CALN1: variants seen among roughly 807,000 people sequenced by gnomAD.
CALN1 encodes the protein calcium-binding protein 8.
CALN1 carries 17 observed loss-of-function variants against 30.6 expected under a neutral mutation model. That is an observed-to-expected ratio of 0.56 (90% confidence interval 0.38 to 0.83). The LOEUF is 0.83. Among genes scored for constraint, CALN1 ranks in the 40% least tolerant of loss-of-function variants. The pLI is 0.00. For missense variants in CALN1, 291 were observed against 354.9 expected (o/e 0.82, Z 1.45); for synonymous variants, 156 against 131.4 (o/e 1.19, Z -1.28).
chr7:71,861,120 CA>C (rs1285713100), intron 5 of CALN1, among the ~76,000 whole-genome samples: 6 of 152,134 alleles, frequency 3.9e-5, no homozygotes, highest in Non-Finnish European at 8.8e-5. Context: ...GCATGCTTAA[CA>C]CTGAACCCTG....
intron 5 of CALN1, among the ~76,000 whole-genome samples, chr7:71,877,509 T>C (rs1792317889): frequency 6.6e-6 from 1 of 152,182 alleles, no homozygotes; most frequent in Admixed American, 6.5e-5. Context: ...GTTTATATAA[T>C]AGCTTTTTTC....
intron 2 of CALN1, among the ~76,000 whole-genome samples, chr7:72,346,368 A>T (rs1280778756): frequency 2.0e-5 from 3 of 152,254 alleles, no homozygotes; most frequent in African/African-American, 7.2e-5. Context: ...ATTTTTAAAA[A>T]AATATTTATT....
chr7:72,455,319 ATATGTGTGTGTGTGTGTGTG>A, the CALN1 span, among the ~76,000 whole-genome samples: 2 of 132,378 alleles, frequency 1.5e-5, no homozygotes. Context: ...ATATATATAT[ATATGTGTGTGTGTGTGTGTG>A]TGTGTGTGTG....
chr7:72,191,435 G>A (rs970563195), intron 3 of CALN1, among the ~76,000 whole-genome samples: 2 of 150,470 alleles, frequency 1.3e-5, no homozygotes, highest in Non-Finnish European at 1.5e-5. Flanking sequence ...AACCCCGTCT[G>A]TAGTAAAAAT....
intron 6 of CALN1, among the ~76,000 whole-genome samples, chr7:71,799,732 T>G (rs10225933): frequency 0.16 from 23,920 of 152,142 alleles, 2,920 homozygotes; most frequent in African/African-American, 0.33. Context: ...GGCCTCAACC[T>G]CCCAAAGTGC....
chr7:71,846,070 A>T (rs1400053661), intron 5 of CALN1, among the ~76,000 whole-genome samples: 2 of 152,006 alleles, frequency 1.3e-5, no homozygotes, highest in Non-Finnish European at 2.9e-5. Context: ...ATAAAAGATT[A>T]ACACTCTCCT....
chr7:72,220,044 T>C (rs546619842), intron 3 of CALN1, among the ~76,000 whole-genome samples: 2 of 152,024 alleles, frequency 1.3e-5, no homozygotes, highest in East Asian at 3.9e-4. Context: ...ATTTTTTTTG[T>C]TTTATTATTA....
chr7:72,395,017 GTA>G (rs1315258732), intron 2 of CALN1, among the ~76,000 whole-genome samples: 1 of 152,102 alleles, frequency 6.6e-6, no homozygotes, highest in Non-Finnish European at 1.5e-5. Context: ...GCACATCTGC[GTA>G]TGTGTGTCAC....
intron 4 of CALN1, among the ~76,000 whole-genome samples, chr7:72,098,599 T>G (rs769925920): frequency 2.0e-5 from 3 of 152,006 alleles, no homozygotes; most frequent in Non-Finnish European, 2.9e-5. Flanking sequence ...TCCCAGCCAT[T>G]TGGGAGGCTG....
chr7:71,922,446 TATTTATTTATATTTAC>T, intron 5 of CALN1, among the ~76,000 whole-genome samples: 1 of 146,702 alleles, frequency 6.8e-6, no homozygotes, highest in South Asian at 2.1e-4. Flanking sequence ...TATATAATTA[TATTTATTTATATTTAC>T]ATATAAATAT....
chr7:72,394,826 A>G (rs911887163), intron 2 of CALN1, among the ~76,000 whole-genome samples: 4 of 151,462 alleles, frequency 2.6e-5, no homozygotes, highest in African/African-American at 9.7e-5. Context: ...TGCCCGTTTT[A>G]TTTTATTTTT....
At chr7:71,810,262 G>A (rs1053873079) in intron 6 of CALN1, 74 bp downstream of exon 6, 20 of 1,482,224 alleles carry the variant, frequency 1.3e-5, no homozygotes, top group Admixed American at 9.8e-5. Context: ...GTGTGTGAAC[G>A]CATTTTTCAT....
chr7:71,893,426 C>A (rs1793361943), intron 5 of CALN1, among the ~76,000 whole-genome samples: 1 of 152,096 alleles, frequency 6.6e-6, no homozygotes, highest in Admixed American at 6.5e-5. Context: ...GTGGCTCATG[C>A]CTGTAATCCC....
At chr7:72,393,444 A>ACG (rs1805710610) in intron 2 of CALN1, among the ~76,000 whole-genome samples, 1 of 152,198 alleles carries the variant, frequency 6.6e-6, no homozygotes, top group Non-Finnish European at 1.5e-5. Context: ...AGACTGGGAG[A>ACG]GAGAGCAAGA....
chr7:72,372,381 T>C (rs926193011), intron 2 of CALN1, among the ~76,000 whole-genome samples: 1 of 152,096 alleles, frequency 6.6e-6, no homozygotes, highest in African/African-American at 2.4e-5. Context: ...CAACTGTAGT[T>C]GCAGAAAGCA....
chr7:72,254,975 T>G (rs1243408154), intron 3 of CALN1, among the ~76,000 whole-genome samples: 2 of 152,168 alleles, frequency 1.3e-5, no homozygotes, highest in African/African-American at 4.8e-5. Flanking sequence ...GTATTTTTAG[T>G]AGAGATGGGG....
intron 3 of CALN1, among the ~76,000 whole-genome samples, chr7:72,143,186 G>A (rs1453806855): frequency 6.6e-6 from 1 of 152,174 alleles, no homozygotes; most frequent in Non-Finnish European, 1.5e-5. Flanking sequence ...CGAGCTAAAG[G>A]AGGAAGTTTG....
intron 4 of CALN1, among the ~76,000 whole-genome samples, chr7:72,046,404 T>C (rs1802473258): frequency 1.3e-5 from 2 of 151,808 alleles, no homozygotes; most frequent in Non-Finnish European, 2.9e-5. Context: ...CCATGCCTAA[T>C]TCATTTTTTA....
chr7:72,165,192 A>G (rs1788435915), intron 3 of CALN1, among the ~76,000 whole-genome samples: 1 of 152,214 alleles, frequency 6.6e-6, no homozygotes, highest in Non-Finnish European at 1.5e-5. Flanking sequence ...TGCCCACCAG[A>G]ACCCAGAACC....
Sources: allele counts gnomAD v4.1 joint callset (sites outside exome capture counted in the v4.1 genomes callset), GRCh38; gene constraint gnomAD v4.1.1; transcripts MANE v1.5; gene names NCBI Gene and HGNC (gene_info 2026-07-23, HGNC 2026-07-21).